Variants in SPTBN2 observed in about 807,000 individuals in gnomAD.
The protein encoded by SPTBN2 is spectrin beta, non-erythrocytic 2, also known as spectrin beta chain, non-erythrocytic 2.
SPTBN2 carries 107 observed loss-of-function variants against 284.2 expected under a neutral mutation model. That is an observed-to-expected ratio of 0.38 (90% CI 0.32 to 0.44). SPTBN2 has a LOEUF of 0.44. Among genes scored for constraint, SPTBN2 ranks in the 20% least tolerant of loss-of-function variants. The pLI is 1.00. For missense variants in SPTBN2, 2,569 were observed against 3,287.1 expected, an observed-to-expected ratio of 0.78 and a Z score of 5.34; for synonymous variants, 1,289 against 1,354.8, an observed-to-expected ratio of 0.95 and a Z score of 1.07.
chr11:66,698,590 C>A, intron 20 of SPTBN2, 49 bp downstream of exon 20: 1 of 1,613,496 alleles, frequency 6.2e-7, no homozygotes, highest in Non-Finnish European at 8.5e-7. Context: ...GGCCCTCCCC[C>A]GTACCATGGG....
chr11:66,705,001 T>G lies in SPTBN2; in HGVS notation c.2275A>C (p.Met759Leu). ...LYQFQADAND[M>L]EAWLVDALRL... is the part of the protein sequence containing the mutation. ...AGTGCGTCAACCAACCAGGCCTCCA[T>G]GTCGTTTGCATCGGCCTGGAACTGG... The change falls in exon 15 of 38, where the codon ATG becomes CTG. Residue 759 changes from methionine to leucine, a missense_variant. Around this residue, in one of 6 missense-constraint regions of SPTBN2, gnomAD observed 1,012 missense variants for 1,248.9 expected, o/e 0.81. Coordinates refer to ENST00000533211, the MANE Select transcript of SPTBN2 (RefSeq NM_006946.4). 6.2e-7 allele frequency: 1 copy of G among 1,605,344 alleles called. No homozygotes were observed. Among genetic ancestry groups the G allele is most frequent in the Non-Finnish European group, 8.5e-7 (1 of 1,179,812 alleles).
At position 66,691,386 on chromosome 11, in the gene SPTBN2, C is replaced by T; in HGVS notation, c.5463G>A (p.Gln1821=). ...GGCCAGTCCCGTCCGGAAGCTGCTG[C>T]TGCTTGTGCTGCACCCGCGCCAGGG... ...RQALARVQHK[Q]QQLPDGTGRD... The change falls in exon 27 of 38, where the codon CAG becomes CAA. Residue 1821 remains glutamine (Q), a synonymous_variant. Coordinates refer to ENST00000533211, the MANE Select transcript of SPTBN2 (RefSeq NM_006946.4). The surrounding 1 kb of genome is among the most constrained non-coding windows in gnomAD (Gnocchi z 8.0). 6.2e-7 allele frequency: 1 copy of T among 1,600,686 alleles called. No homozygotes were observed. The highest frequency in any genetic ancestry group is 8.5e-7 in the Non-Finnish European group (1 of 1,170,612).
chr11:66,698,535 A>C, intron 20 of SPTBN2, 104 bp downstream of exon 20: 1 of 1,553,172 alleles, frequency 6.4e-7, no homozygotes, highest in Non-Finnish European at 8.8e-7. Flanking sequence ...GTGGCACCAG[A>C]ACCCCACAAT....
chr11:66,728,078 C>A (rs1235627694), intron 1 of SPTBN2: 20 of 148,780 alleles, frequency 1.3e-4, no homozygotes. Flanking sequence ...CGACCCCGAC[C>A]CCGACCCCGC....
Position 66,685,858 on chromosome 11 carries a change from A to C in SPTBN2, c.*13T>G. 1 of 1,610,628 alleles carries C rather than the reference A, an allele frequency of 6.2e-7. No individual in the cohort carries two copies. Among genetic ancestry groups the C allele is most frequent in the Non-Finnish European group, 8.5e-7 (1 of 1,177,524 alleles). ...AACGGAGGGAGGGAGTTGGCCTGGG[A>C]CCTTGCCCCCAACTACTTGTTCTTC... On this transcript the variant is annotated 3_prime_UTR_variant, in exon 38 of 38. Coordinates refer to ENST00000533211, the MANE Select transcript of SPTBN2 (RefSeq NM_006946.4). This position sits in a 1 kb window ranked among gnomAD's most constrained non-coding sequence, Gnocchi z 4.4.
chr11:66,717,640 C>T (rs151101697), intron 3 of SPTBN2, among the ~76,000 whole-genome samples: 36 of 152,340 alleles, frequency 2.4e-4, no homozygotes, highest in Admixed American at 1.2e-3. Context: ...CCAGGAGGAG[C>T]GTGGGTCACA....
chr11:66,724,931 G>T (rs1942559897), intron 1 of SPTBN2, among the ~76,000 whole-genome samples: 1 of 152,190 alleles, frequency 6.6e-6, no homozygotes, highest in Non-Finnish European at 1.5e-5. Flanking sequence ...ATGCAGAATT[G>T]GGGGTTTTGT....
rs752416472 is a variant in SPTBN2 at position 66,692,661 on chromosome 11, G to A, written c.5065C>T (p.Arg1689Cys). Residue 1689 changes from arginine to cysteine, a missense_variant, in exon 26 of 38, where the codon CGC becomes TGC. Physicochemically the swap from Arg to Cys is radical, Grantham distance 180 (BLOSUM62 -3). This residue lies in a region of SPTBN2 where 1,130 missense variants were observed against 1,317.3 expected (regional missense o/e 0.86). Transcript: ENST00000533211. ...CACAGCCGGAGGTGCTCCTGCAGGCGCTCCCGCCGCTCTCCAGCCAGCTCC... is the reference window on the plus strand; with the variant it reads ...CACAGCCGGAGGTGCTCCTGCAGGCACTCCCGCCGCTCTCCAGCCAGCTCC... ...LKELAGERRE[R>C]LQEHLRLCQL... The A allele has an allele frequency of 1.0e-5, 16 of 1,603,568 alleles. No individual in the cohort carries two copies. The highest frequency in any genetic ancestry group is 4.5e-5 in the East Asian group (2 of 44,866).
intron 1 of SPTBN2, among the ~76,000 whole-genome samples, chr11:66,734,761 A>G (rs1211093180): frequency 2.0e-5 from 3 of 152,224 alleles, no homozygotes; most frequent in African/African-American, 7.2e-5. Context: ...AAACATATAG[A>G]TATCTGTGCA....
chr11:66,688,381 G>T, intron 31 of SPTBN2, 70 bp from the exon 32 acceptor site: 1 of 1,545,568 alleles, frequency 6.5e-7, no homozygotes, highest in South Asian at 1.2e-5. Context: ...AGGGAGAGCT[G>T]AAATGTCTCA....
In SPTBN2 at chr11:66,687,811, C is replaced by T. The variant is rs922176659; in HGVS notation, c.6501+57G>A. On this transcript the variant is annotated intron_variant, in intron 34 of 37. Coordinates refer to ENST00000533211, the MANE Select transcript of SPTBN2 (RefSeq NM_006946.4). This position sits in a 1 kb window ranked among gnomAD's most constrained non-coding sequence, Gnocchi z 5.2. Reference sequence around the variant, plus strand: ...AGTACTCCCCCACCCGCACTCACCACCCCCTCTGGACCCTTCGCCTCACAG... The same window carrying T: ...AGTACTCCCCCACCCGCACTCACCATCCCCTCTGGACCCTTCGCCTCACAG... 10 of 1,609,568 alleles carry T rather than the reference C, an allele frequency of 6.2e-6. No homozygotes were observed. In the African/African-American group the frequency reaches 9.4e-5, roughly 15 times the overall value.
At chr11:66,716,234 A>C (rs550085211) in intron 3 of SPTBN2, among the ~76,000 whole-genome samples, 3 of 152,376 alleles carry the variant, frequency 2.0e-5, no homozygotes, top group Admixed American at 2.0e-4. Flanking sequence ...CTGTAATCCC[A>C]GCACTTTGGG....
chr11:66,690,672 G>T (rs553731543), intron 27 of SPTBN2, among the ~76,000 whole-genome samples: 3 of 152,174 alleles, frequency 2.0e-5, no homozygotes, highest in Non-Finnish European at 4.4e-5. Flanking sequence ...TGAGCCTAGA[G>T]CTCAAGCCTG....
chr11:66,721,004 A>C, intron 3 of SPTBN2, 80 bp downstream of exon 3: 2 of 1,590,656 alleles, frequency 1.3e-6, no homozygotes, highest in Non-Finnish European at 1.7e-6. Flanking sequence ...CAGTCTTCCC[A>C]TAAAGTTAAA....
At chr11:66,720,641 G>A (rs1942353574) in intron 3 of SPTBN2, among the ~76,000 whole-genome samples, 3 of 152,160 alleles carry the variant, frequency 2.0e-5, no homozygotes, top group Admixed American at 2.0e-4. Flanking sequence ...CAGGTGGAAG[G>A]AACAGGTGGA....
chr11:66,725,926 T>C (rs1942606064), intron 1 of SPTBN2, among the ~76,000 whole-genome samples: 1 of 152,212 alleles, frequency 6.6e-6, no homozygotes, highest in Non-Finnish European at 1.5e-5. Flanking sequence ...GATGAATTAT[T>C]TCCCTCCCTC....
At chr11:66,716,406 G>A (rs1483924897) in intron 3 of SPTBN2, among the ~76,000 whole-genome samples, 9 of 152,022 alleles carry the variant, frequency 5.9e-5, no homozygotes, top group Non-Finnish European at 1.0e-4. Flanking sequence ...CGTGAACCTG[G>A]GAGGGGGAGC....
chr11:66,707,423 A>C lies in SPTBN2; in HGVS notation c.1653+93T>G. The C allele has an allele frequency of 2.9e-6, 4 of 1,361,868 alleles. No homozygotes were observed. Among genetic ancestry groups the C allele is most frequent in the Non-Finnish European group, 4.0e-6 (4 of 991,650 alleles). The allele number at this position is 1,361,868 out of a possible 1,614,324, so 84.4% of individuals were successfully genotyped here. On this transcript the variant is annotated intron_variant, in intron 13 of 37. Transcript: ENST00000533211. The surrounding 1 kb of genome is among the most constrained non-coding windows in gnomAD (Gnocchi z 4.9). ...GGCCCTGTGCTGGTTCACACTCCAC[A>C]GAGATCGGCCGAGCAGACGGGCGGA...
At chr11:66,721,328 G>A in intron 2 of SPTBN2, 22 bp downstream of exon 2, 2 of 1,554,942 alleles carry the variant, frequency 1.3e-6, no homozygotes, top group Non-Finnish European at 1.8e-6. Context: ...CACCACCGGG[G>A]CCTTCTGTCT....
Sources: allele counts gnomAD v4.1 joint callset (sites outside exome capture counted in the v4.1 genomes callset), GRCh38; gene constraint gnomAD v4.1.1; regional missense constraint gnomAD v4.1.1; non-coding constraint Gnocchi (gnomAD v3.1); transcripts MANE v1.5; gene names NCBI Gene and HGNC (gene_info 2026-07-23, HGNC 2026-07-21).